GRIA4: variants seen among roughly 807,000 people sequenced by gnomAD.
GRIA4 encodes glutamate receptor 4.
GRIA4 carries 34 observed loss-of-function variants against 104.0 expected under a neutral mutation model. That is an observed-to-expected ratio of 0.33 (90% CI 0.25 to 0.44). The LOEUF (loss-of-function observed/expected upper bound fraction) is 0.44. GRIA4 is among the 20% of genes least tolerant of loss of function. The pLI is 1.00. For synonymous variants in GRIA4, 386 were observed against 381.9 expected (o/e 1.01, Z -0.13); for missense variants, 750 against 1,096.5 (o/e 0.68, Z 4.46).
chr11:105,615,130 T>G (rs569921082), intron 3 of GRIA4, among the ~76,000 whole-genome samples: 1 of 151,872 alleles, frequency 6.6e-6, no homozygotes, highest in South Asian at 2.1e-4. Context: ...GATCTGTCTG[T>G]GAATAAGGGC....
intron 3 of GRIA4, among the ~76,000 whole-genome samples, chr11:105,734,434 T>C (rs1338892677): frequency 6.6e-6 from 1 of 152,160 alleles, no homozygotes; most frequent in East Asian, 1.9e-4. Context: ...ACTACTGCAA[T>C]ACCAGGATCA....
Position 105,611,003 on chromosome 11 carries a change from G to A in GRIA4, c.6G>A (p.Arg2=). M[R]IISRQIVLLF... ...CAGGGAGAGGAGAAAAGAAGATGAG[G>A]ATTATTTCCAGACAGATTGTCTTGT... Residue 2 remains arginine, a synonymous_variant, in exon 2 of 17, where the codon AGG becomes AGA. Coordinates refer to ENST00000282499, the MANE Select transcript of GRIA4 (RefSeq NM_000829.4). The A allele has an allele frequency of 1.2e-6, 2 of 1,609,678 alleles. No individual in the cohort carries two copies. The highest frequency in any genetic ancestry group is 1.7e-6 in the Non-Finnish European group (2 of 1,176,438).
chr11:105,859,424 T>C (rs753693154), intron 4 of GRIA4, among the ~76,000 whole-genome samples: 81 of 152,202 alleles, frequency 5.3e-4, no homozygotes, highest in South Asian at 2.1e-4. Flanking sequence ...GTGTCATTTG[T>C]AAATCTAAAA....
chr11:105,721,719 C>G (rs1173585063), intron 3 of GRIA4, among the ~76,000 whole-genome samples: 2 of 152,172 alleles, frequency 1.3e-5, no homozygotes, highest in Admixed American at 6.5e-5. Flanking sequence ...TTTATATTAT[C>G]TCCCTTCTGC....
chr11:105,763,090 T>G (rs1330464715), intron 4 of GRIA4, among the ~76,000 whole-genome samples: 5 of 152,024 alleles, frequency 3.3e-5, no homozygotes, highest in Non-Finnish European at 7.4e-5. Context: ...ATAGCATGGG[T>G]AAATATTAGG....
At chr11:105,673,562 AAACAGTTT>A (rs1335975776) in intron 3 of GRIA4, among the ~76,000 whole-genome samples, 1 of 152,108 alleles carries the variant, frequency 6.6e-6, no homozygotes, top group African/African-American at 2.4e-5. Flanking sequence ...AATTAAAAAC[AAACAGTTT>A]AACTCTTTAC....
chr11:105,910,232 C>G (rs1336289244), intron 9 of GRIA4, among the ~76,000 whole-genome samples: 1 of 151,948 alleles, frequency 6.6e-6, no homozygotes, highest in South Asian at 2.1e-4. Flanking sequence ...AAACATGTAA[C>G]AAGACAGGAT....
At chr11:105,978,511 A>G (rs1859107324) in intron 16 of GRIA4, among the ~76,000 whole-genome samples, 1 of 152,092 alleles carries the variant, frequency 6.6e-6, no homozygotes, top group Admixed American at 6.5e-5. Context: ...ATCTGTAAAC[A>G]TTTTTACTCC....
At chr11:105,689,247 A>G (rs1002564578) in intron 3 of GRIA4, among the ~76,000 whole-genome samples, 4 of 152,166 alleles carry the variant, frequency 2.6e-5, no homozygotes, top group African/African-American at 9.6e-5. Flanking sequence ...GCAAAAGGGA[A>G]AGTGTATTAG....
chr11:105,787,255 T>C (rs572769450), intron 4 of GRIA4, among the ~76,000 whole-genome samples: 78 of 152,224 alleles, frequency 5.1e-4, no homozygotes, highest in African/African-American at 1.8e-3. Context: ...TAAACCTTTA[T>C]AATGTAAATT....
At chr11:105,860,963 A>G (rs1591362619) in intron 4 of GRIA4, among the ~76,000 whole-genome samples, 1 of 97,834 alleles carries the variant, frequency 1.0e-5, no homozygotes. Context: ...TCTGAAAAAA[A>G]AAAAAAAAAA....
At chr11:105,849,397 T>A (rs558656224) in intron 4 of GRIA4, among the ~76,000 whole-genome samples, 34 of 152,292 alleles carry the variant, frequency 2.2e-4, no homozygotes, top group Non-Finnish European at 3.2e-4. Flanking sequence ...TCCAGCTCAG[T>A]TCTGAAGGAG....
chr11:105,860,393 C>T (rs184170323), intron 4 of GRIA4, among the ~76,000 whole-genome samples: 10 of 152,230 alleles, frequency 6.6e-5, no homozygotes, highest in East Asian at 1.9e-4. Flanking sequence ...CTTCCAAGTG[C>T]GGTATACTCG....
At chr11:105,746,931 C>A (rs1939695158) in intron 3 of GRIA4, among the ~76,000 whole-genome samples, 1 of 151,972 alleles carries the variant, frequency 6.6e-6, no homozygotes, top group African/African-American at 2.4e-5. Flanking sequence ...TTCGTAAAGG[C>A]TACAGCATCA....
intron 3 of GRIA4, among the ~76,000 whole-genome samples, chr11:105,719,956 TTCA>T (rs1937677119): frequency 6.6e-6 from 1 of 152,056 alleles, no homozygotes; most frequent in Non-Finnish European, 1.5e-5. Context: ...CTCAGCCTAT[TTCA>T]TCATAAGATC....
At chr11:105,747,821 C>T (rs1939752450) in intron 3 of GRIA4, among the ~76,000 whole-genome samples, 1 of 152,100 alleles carries the variant, frequency 6.6e-6, no homozygotes, top group Non-Finnish European at 1.5e-5. Flanking sequence ...ATTATAAGAG[C>T]ATGTTATCAC....
intron 3 of GRIA4, among the ~76,000 whole-genome samples, chr11:105,677,540 T>C (rs895697461): frequency 1.3e-5 from 2 of 151,932 alleles, no homozygotes; most frequent in Non-Finnish European, 2.9e-5. Flanking sequence ...AGTTTATTCA[T>C]CTATCTCCTA....
chr11:105,871,794 C>T (rs1036069367), intron 5 of GRIA4, among the ~76,000 whole-genome samples: 15 of 151,914 alleles, frequency 9.9e-5, no homozygotes, highest in Non-Finnish European at 2.2e-4. Flanking sequence ...AAATGTAAAA[C>T]CCTGACCAAA....
intron 11 of GRIA4, among the ~76,000 whole-genome samples, chr11:105,919,796 T>C (rs1947510326): frequency 1.3e-5 from 2 of 152,166 alleles, no homozygotes; most frequent in Admixed American, 6.6e-5. Flanking sequence ...ACCAATGAAG[T>C]AACACATACT....
Sources: gnomAD v4.1 joint callset for allele counts (sites outside exome capture counted in the v4.1 genomes callset) on GRCh38, gnomAD v4.1.1 for gene constraint, MANE v1.5 for transcripts, NCBI Gene and HGNC (gene_info 2026-07-23, HGNC 2026-07-21) for gene names.